RNF138: variants seen among roughly 807,000 people sequenced by gnomAD.
RNF138 encodes the protein E3 ubiquitin-protein ligase RNF138.
A neutral mutation model predicts 31.0 loss-of-function variants in RNF138; 12 were observed. The observed-to-expected ratio is 0.39, with a 90% confidence interval of 0.25 to 0.63. The LOEUF is 0.63. Among genes scored for constraint, RNF138 ranks in the 20% least tolerant of loss-of-function variants. The probability of loss-of-function intolerance (pLI) is 0.52; values close to 1 mark genes in which losing one functional copy is unlikely to be tolerated. For synonymous variants in RNF138, 105 were observed against 99.5 expected, an observed-to-expected ratio of 1.06 and a Z score of -0.33; for missense variants, 192 against 300.1, an observed-to-expected ratio of 0.64 and a Z score of 2.66.
At chr18:32,100,979 A>G (rs2039928059) in intron 2 of RNF138, among the ~76,000 whole-genome samples, 1 of 152,204 alleles carries the variant, frequency 6.6e-6, no homozygotes, top group African/African-American at 2.4e-5. Flanking sequence ...GAGAGAGTAT[A>G]AGAGAGGGAT....
At chr18:32,107,107 C>CCTT (rs1482725250) in intron 2 of RNF138, among the ~76,000 whole-genome samples, 2 of 139,096 alleles carry the variant, frequency 1.4e-5, no homozygotes, top group Non-Finnish European at 3.0e-5. Context: ...AATTCACTTT[C>CCTT]CTTTTTTCCT....
chr18:32,125,090 A>G (rs2144289670), intron 6 of RNF138: 1 of 337,858 alleles, frequency 3.0e-6, no homozygotes, highest in Non-Finnish European at 5.5e-6. Flanking sequence ...TCTGGAGAAG[A>G]GTGAAGTAAT....
chr18:32,117,375 G>T (rs1002521858), intron 4 of RNF138, among the ~76,000 whole-genome samples: 5 of 152,116 alleles, frequency 3.3e-5, no homozygotes, highest in Non-Finnish European at 4.4e-5. Flanking sequence ...AAGCCACAAG[G>T]AATAATGGTG....
intron 1 of RNF138, chr18:32,092,499 A>G (rs1050081158): frequency 7.1e-6 from 3 of 422,672 alleles, no homozygotes; most frequent in East Asian, 5.3e-5. Context: ...GGCCCACGGC[A>G]TGCTGCGAGC....
At chr18:32,116,539 T>A (rs1468889987) in intron 4 of RNF138, among the ~76,000 whole-genome samples, 1 of 151,764 alleles carries the variant, frequency 6.6e-6, no homozygotes, top group Non-Finnish European at 1.5e-5. Context: ...TTTAAATTTT[T>A]AAATTTATTT....
At chr18:32,092,630 G>C (rs1265798371) in intron 1 of RNF138, 70 bp from the exon 2 acceptor site, 4 of 591,226 alleles carry the variant, frequency 6.8e-6, no homozygotes, top group East Asian at 4.7e-5. Context: ...GCCCTACCCA[G>C]GGCCCCGCCC....
chr18:32,114,036 C>T (rs567057495), intron 4 of RNF138, 176 bp downstream of exon 4: 8 of 423,708 alleles, frequency 1.9e-5, no homozygotes, highest in Admixed American at 9.0e-5. Flanking sequence ...GTTTGGCACA[C>T]GTAAGCTCTC....
At chr18:32,106,548 T>TTTTATTTATTTA (rs58517415) in intron 2 of RNF138, among the ~76,000 whole-genome samples, 70 of 146,916 alleles carry the variant, frequency 4.8e-4, no homozygotes, top group African/African-American at 1.2e-3. Context: ...TTTTATTTTA[T>TTTTATTTATTTA]TTTATTTATT....
intron 4 of RNF138, among the ~76,000 whole-genome samples, chr18:32,121,148 C>G (rs7505481): frequency 7.3e-6 from 1 of 137,360 alleles, no homozygotes; most frequent in Admixed American, 7.4e-5. Context: ...AAAAACAAAA[C>G]AAAAAAAAAG....
chr18:32,111,182 G>C (rs1003107786), intron 2 of RNF138, among the ~76,000 whole-genome samples: 13 of 152,192 alleles, frequency 8.5e-5, no homozygotes, highest in African/African-American at 3.1e-4. Context: ...CTGTTAACAC[G>C]CAGATAACTT....
chr18:32,103,576 C>T (rs2039977989), intron 2 of RNF138, among the ~76,000 whole-genome samples: 1 of 152,042 alleles, frequency 6.6e-6, no homozygotes, highest in African/African-American at 2.4e-5. Context: ...TCAAAGAACA[C>T]AATCAATAAA....
chr18:32,113,601 T>C (rs1393937225), intron 3 of RNF138, 144 bp from the exon 4 acceptor site: 1 of 496,886 alleles, frequency 2.0e-6, no homozygotes, highest in African/African-American at 2.0e-5. Flanking sequence ...AACTCCTACT[T>C]AAGGATGAAA....
At chr18:32,101,153 A>G (rs1203737589) in intron 2 of RNF138, among the ~76,000 whole-genome samples, 1 of 152,010 alleles carries the variant, frequency 6.6e-6, no homozygotes, top group African/African-American at 2.4e-5. Flanking sequence ...AGGAGGGAAC[A>G]TGCAGGGCTT....
chr18:32,092,343 G>GT (rs1292777493), intron 1 of RNF138, 108 bp downstream of exon 1: 1 of 161,674 alleles, frequency 6.2e-6, no homozygotes, highest in Non-Finnish European at 1.4e-5. Flanking sequence ...GTCGGGGTGA[G>GT]TAGAGGCGGA....
chr18:32,125,681 T>C (rs1028696107), intron 6 of RNF138, among the ~76,000 whole-genome samples: 1 of 152,150 alleles, frequency 6.6e-6, no homozygotes, highest in Non-Finnish European at 1.5e-5. Flanking sequence ...GCCTGTAATT[T>C]AGCACTTTGG....
chr18:32,126,131 A>T lies in RNF138; in HGVS notation c.562-562A>T, dbSNP rs138150316. On this transcript the variant is annotated intron_variant, in intron 6 of 7. Transcript: ENST00000261593. ...AGGATATGGCTGGGTGTGGTGGCAC[A>T]TGCCTTTAATCCCAGCACTTTGGGA... Among the ~76,000 whole-genome samples, 195 of 151,870 alleles carry T rather than the reference A, an allele frequency of 1.3e-3. 1 individual carries two copies. Among genetic ancestry groups the T allele is most frequent in the African/African-American group, 4.4e-3 (182 of 41,432 alleles).
intron 2 of RNF138, among the ~76,000 whole-genome samples, chr18:32,103,568 A>G (rs1341238244): frequency 2.6e-5 from 4 of 152,204 alleles, no homozygotes; most frequent in African/African-American, 9.6e-5. Context: ...TTTGTCCTTC[A>G]AAGAACACAA....
intron 4 of RNF138, among the ~76,000 whole-genome samples, chr18:32,115,897 T>A (rs2144255525): frequency 6.6e-6 from 1 of 152,322 alleles, no homozygotes; most frequent in East Asian, 1.9e-4. Flanking sequence ...GATTTATTTG[T>A]TCCCTCTCTT....
At chr18:32,117,178 A>G (rs1398442661) in intron 4 of RNF138, among the ~76,000 whole-genome samples, 1 of 149,958 alleles carries the variant, frequency 6.7e-6, no homozygotes, top group African/African-American at 2.5e-5. Context: ...ATGGGATTAC[A>G]GGCATGAACC....
Sources: gnomAD v4.1 joint callset for allele counts (sites outside exome capture counted in the v4.1 genomes callset) on GRCh38, gnomAD v4.1.1 for gene constraint, MANE v1.5 for transcripts, NCBI Gene and HGNC (gene_info 2026-07-23, HGNC 2026-07-21) for gene names.